The following CCDC88A variants were observed in gnomAD, a reference collection of about 807,000 sequenced individuals.
CCDC88A encodes coiled-coil and HOOK domain protein 88A, also known as girdin.
In CCDC88A, 54 loss-of-function variants were observed where a neutral mutation model predicts 234.3. The ratio of observed to expected loss-of-function variants is 0.23; its 90% CI spans 0.19 to 0.29. The LOEUF (loss-of-function observed/expected upper bound fraction) is 0.29, where lower values mean the gene tolerates loss of function less well. CCDC88A is among the 10% of genes least tolerant of loss of function. The pLI, the probability that CCDC88A is intolerant of heterozygous loss-of-function variation, is 1.00. For missense variants in CCDC88A, 1,832 were observed against 2,123.4 expected, an observed-to-expected ratio of 0.86 and a Z score of 2.70; for synonymous variants, 753 against 737.8, an observed-to-expected ratio of 1.02 and a Z score of -0.33.
intron 12 of CCDC88A, among the ~76,000 whole-genome samples, chr2:55,342,094 C>T (rs949066122): frequency 1.3e-5 from 2 of 152,056 alleles, no homozygotes; most frequent in African/African-American, 4.8e-5. Context: ...TTATTAAACA[C>T]ACTGGCAGTT....
At position 55,317,877 on chromosome 2, in the gene CCDC88A, A is replaced by C. The variant is rs1683165395; in HGVS notation, c.3325-36T>G. On this transcript the variant is annotated intron_variant, in intron 19 of 32. Transcript: ENST00000436346. The surrounding 1 kb of genome is among the most constrained non-coding windows in gnomAD (Gnocchi z 4.2). Reference sequence around the variant, plus strand: ...ATATATTGTTATCAGACATAAGAAAAACAGTTCATGTTCTTTTTCAAAATA... The same window carrying C: ...ATATATTGTTATCAGACATAAGAAACACAGTTCATGTTCTTTTTCAAAATA... 7.2e-7 allele frequency: 1 copy of C among 1,387,426 alleles called. No homozygotes were observed. Among genetic ancestry groups the C allele is most frequent in the Admixed American group, 2.1e-5 (1 of 46,872 alleles). 85.9% of individuals were successfully genotyped at this position (1,387,426 alleles called of 1,614,324 possible). A position where few individuals can be genotyped will look rare whatever the true frequency, so the allele number is the denominator to read the frequency against.
At position 55,344,356 on chromosome 2, in the gene CCDC88A, C is replaced by T. The variant is rs1668849962; in HGVS notation, c.1188+12G>A. 1.9e-6 allele frequency: 3 copies of T among 1,558,966 alleles called. No homozygotes were observed. The highest frequency in any genetic ancestry group is 2.6e-6 in the Non-Finnish European group (3 of 1,152,628). On this transcript the variant is annotated intron_variant, in intron 11 of 32. Coordinates refer to ENST00000436346, the MANE Select transcript of CCDC88A (RefSeq NM_001365480.1). ...TAAAGGCCATGTAACTGATCTACCT[C>T]TTAAAACTTACCATTTCCATATCAT...
chr2:55,413,863 G>T (rs1680914789), intron 2 of CCDC88A, among the ~76,000 whole-genome samples: 1 of 151,838 alleles, frequency 6.6e-6, no homozygotes, highest in African/African-American at 2.4e-5. Context: ...AAGGTGGGAG[G>T]ATAGCTTGAG....
rs367996708 is a variant in CCDC88A at position 55,309,135 on chromosome 2, G to T, written c.4172+27C>A. The T allele has an allele frequency of 6.9e-7, 1 of 1,455,554 alleles. No individual in the cohort carries two copies. Among genetic ancestry groups the T allele is most frequent in the Admixed American group, 1.8e-5 (1 of 55,102 alleles). The allele number at this position is 1,455,554 out of a possible 1,614,324, so 90.2% of individuals were successfully genotyped here. ...AACCTAGTGTTTTTTTTCAGAATAA[G>T]AATTCATAAAATTTGGTTAATGGTA... On this transcript the variant is annotated intron_variant, in intron 24 of 32. Transcript: ENST00000436346. The surrounding 1 kb of genome is among the most constrained non-coding windows in gnomAD (Gnocchi z 5.1).
chr2:55,354,440 T>C (rs1574250794), intron 8 of CCDC88A, among the ~76,000 whole-genome samples: 1 of 152,294 alleles, frequency 6.6e-6, no homozygotes, highest in East Asian at 1.9e-4. Context: ...ATGTTTTTAA[T>C]ATAATAAACT....
intron 5 of CCDC88A, among the ~76,000 whole-genome samples, chr2:55,368,160 T>C (rs1252980008): frequency 6.6e-6 from 1 of 152,156 alleles, no homozygotes; most frequent in Non-Finnish European, 1.5e-5. Flanking sequence ...AAGACTTGGG[T>C]TGCCCATTGA....
chr2:55,366,576 C>CACA lies in CCDC88A; in HGVS notation c.403-2544_403-2543insTGT, dbSNP rs1259326128. On this transcript the variant is annotated intron_variant, in intron 5 of 32. Coordinates refer to ENST00000436346, the MANE Select transcript of CCDC88A (RefSeq NM_001365480.1). ...ACACACACACACACACACACACACA[C>CACA]AAGATATGATGTGGAAACTTGGACA... is the stretch of plus-strand genomic sequence containing the variant. 1.4e-3 allele frequency among the ~76,000 whole-genome samples: 192 copies of CACA among 139,664 alleles called. 1 individual carries two copies. The highest frequency in any genetic ancestry group is 4.9e-3 in the African/African-American group (176 of 35,662). The allele number at this position is 139,664 out of a possible 152,430, so 91.6% of individuals were successfully genotyped here.
At chr2:55,384,278 T>C (rs114610146) in intron 3 of CCDC88A, among the ~76,000 whole-genome samples, 1,780 of 148,850 alleles carry the variant, frequency 0.012, 37 homozygotes, top group African/African-American at 0.042. Context: ...TAAGCCGAGA[T>C]TGCACCACTG....
Position 55,339,645 on chromosome 2 carries a change from G to A in CCDC88A, c.1337C>T (p.Pro446Leu), listed in dbSNP as rs1410130567. ...CACCTCATGGCCCAGGGATTTCTGG[G>A]GTGCTATAATATTGAAAAATACACC... is the stretch of plus-strand genomic sequence containing the variant. ...ISRTSELSEA[P>L]QKSLGHEVNE... Residue 446 changes from proline to leucine, a missense_variant, in exon 13 of 33, where the codon CCC becomes CTC. Pro to Leu is a moderately conservative substitution (Grantham distance 98). Transcript: ENST00000436346. 1 of 1,598,242 alleles carries A rather than the reference G, an allele frequency of 6.3e-7. No individual in the cohort carries two copies. The highest frequency in any genetic ancestry group is 2.2e-5 in the East Asian group (1 of 44,656).
chr2:55,360,971 C>T (rs1558740868), intron 7 of CCDC88A, among the ~76,000 whole-genome samples: 1 of 152,254 alleles, frequency 6.6e-6, no homozygotes, highest in East Asian at 1.9e-4. Flanking sequence ...TGCCTGTAAT[C>T]CCAGCTACTT....
chr2:55,390,532 T>C (rs531058507), intron 2 of CCDC88A, among the ~76,000 whole-genome samples: 10 of 152,274 alleles, frequency 6.6e-5, no homozygotes, highest in Admixed American at 1.3e-4. Flanking sequence ...TAATAAAATA[T>C]GAAGGGGAAG....
chr2:55,349,430 C>T, intron 9 of CCDC88A, 88 bp downstream of exon 9: 1 of 918,248 alleles, frequency 1.1e-6, no homozygotes, highest in Non-Finnish European at 1.7e-6. Context: ...TTACATAAAG[C>T]ATTGAAGTAA....
At chr2:55,378,289 A>G (rs888394981) in intron 3 of CCDC88A, among the ~76,000 whole-genome samples, 3 of 152,242 alleles carry the variant, frequency 2.0e-5, no homozygotes, top group Non-Finnish European at 4.4e-5. Flanking sequence ...GGTATCACCA[A>G]AGACTTTTTG....
At chr2:55,414,950 C>G (rs956105164) in intron 2 of CCDC88A, among the ~76,000 whole-genome samples, 9 of 151,502 alleles carry the variant, frequency 5.9e-5, no homozygotes, top group Non-Finnish European at 1.2e-4. Flanking sequence ...GCCTGTAGCC[C>G]CAGTTACTCG....
At chr2:55,291,892 G>A (rs528132833) in intron 31 of CCDC88A, 117 bp from the exon 32 acceptor site, 5 of 633,466 alleles carry the variant, frequency 7.9e-6, no homozygotes, top group Non-Finnish European at 1.3e-5. Flanking sequence ...TAACTGTCTG[G>A]GAAAATTATT....
At position 55,317,215 on chromosome 2, in the gene CCDC88A, TCAC is replaced by T; in HGVS notation, c.3734_3736del (p.Gly1245del). ...AATATATATTTATTACCTATCATTTTCACCACAAAGTTTCTTGTATTCTGCAGC... is the reference window on the plus strand; with the variant it reads ...AATATATATTTATTACCTATCATTTTCACAAAGTTTCTTGTATTCTGCAGC... On this transcript the variant is annotated inframe_deletion, in exon 21 of 33. Transcript: ENST00000436346. The surrounding 1 kb of genome is among the most constrained non-coding windows in gnomAD (Gnocchi z 4.2). 6.8e-7 allele frequency: 1 copy of T among 1,466,670 alleles called. No individual in the cohort carries two copies. The highest frequency in any genetic ancestry group is 9.2e-7 in the Non-Finnish European group (1 of 1,091,478). The allele number at this position is 1,466,670 out of a possible 1,614,324, so 90.9% of individuals were successfully genotyped here.
rs930731537 is a variant in CCDC88A, at chr2:55,332,417, C to T, written c.2855+149G>A. 5.3e-6 allele frequency: 7 copies of T among 1,318,792 alleles called. No individual in the cohort carries two copies. The highest frequency in any genetic ancestry group is 6.8e-6 in the Non-Finnish European group (7 of 1,031,712). The allele number at this position is 1,318,792 out of a possible 1,614,324, so 81.7% of individuals were successfully genotyped here. ...GATTATAGGTGTGAGCCACCGCACCCGGCTACAGAACTTTCCTTAAGGGAA... is the reference window on the plus strand; with the variant it reads ...GATTATAGGTGTGAGCCACCGCACCTGGCTACAGAACTTTCCTTAAGGGAA... On this transcript the variant is annotated intron_variant, in intron 16 of 32. Coordinates refer to ENST00000436346, the MANE Select transcript of CCDC88A (RefSeq NM_001365480.1). The surrounding 1 kb of genome is among the most constrained non-coding windows in gnomAD (Gnocchi z 4.5).
chr2:55,304,251 T>G (rs1422693694), intron 25 of CCDC88A, among the ~76,000 whole-genome samples: 3 of 152,140 alleles, frequency 2.0e-5, no homozygotes, highest in Non-Finnish European at 2.9e-5. Context: ...TGAGCTATGA[T>G]CACGCCACTG....
chr2:55,384,295 A>C (rs1225966160), intron 3 of CCDC88A, among the ~76,000 whole-genome samples: 1 of 147,274 alleles, frequency 6.8e-6, no homozygotes, highest in African/African-American at 2.5e-5. Flanking sequence ...ACTGCACTCC[A>C]GCCTGGGTGA....
Sources: allele counts gnomAD v4.1 joint callset (sites outside exome capture counted in the v4.1 genomes callset), GRCh38; gene constraint gnomAD v4.1.1; non-coding constraint Gnocchi (gnomAD v3.1); transcripts MANE v1.5; gene names NCBI Gene and HGNC (gene_info 2026-07-23, HGNC 2026-07-21).